HDAC4: variants seen among roughly 807,000 people sequenced by gnomAD.
HDAC4 encodes the protein histone deacetylase A.
In HDAC4, 16 loss-of-function variants were observed where a neutral mutation model predicts 135.1. The ratio of observed to expected loss-of-function variants is 0.12; its 90% CI spans 0.08 to 0.18. The LOEUF is 0.18. Ranked by LOEUF, HDAC4 falls within the 10% of genes least tolerant of loss-of-function variation. The probability of loss-of-function intolerance (pLI) is 1.00; values close to 1 mark genes in which losing one functional copy is unlikely to be tolerated. For synonymous variants in HDAC4, 685 were observed against 653.4 expected, an observed-to-expected ratio of 1.05 and a Z score of -0.74; for missense variants, 1,143 against 1,511.8, an observed-to-expected ratio of 0.76 and a Z score of 4.05.
At chr2:239,083,508 C>T (rs1024342610) in intron 20 of HDAC4, among the ~76,000 whole-genome samples, 1 of 152,142 alleles carries the variant, frequency 6.6e-6, no homozygotes, top group Non-Finnish European at 1.5e-5. Context: ...TGCTTTTTTC[C>T]CTTAAAAATT....
chr2:239,189,769 G>A (rs2044790245), intron 4 of HDAC4, 64 bp downstream of exon 4: 1 of 1,497,058 alleles, frequency 6.7e-7, no homozygotes, highest in Non-Finnish European at 9.1e-7. Context: ...AGGCAGGGCT[G>A]GAGTCACCGG....
At chr2:239,310,250 T>A (rs896785477) in intron 2 of HDAC4, among the ~76,000 whole-genome samples, 3 of 152,220 alleles carry the variant, frequency 2.0e-5, no homozygotes, top group African/African-American at 7.2e-5. Context: ...AAAACCGACA[T>A]GTCAGTGACT....
rs1426169224 is a variant in HDAC4, at chr2:239,050,742, A to G, written c.*2355T>C. 1.3e-5 allele frequency: 2 copies of G among 152,568 alleles called. No individual in the cohort carries two copies. The highest frequency in any genetic ancestry group is 2.1e-4 in the South Asian group (1 of 4,820). 9.5% of individuals were successfully genotyped at this position (152,568 alleles called of 1,614,324 possible). A position where few individuals can be genotyped will look rare whatever the true frequency, so the allele number is the denominator to read the frequency against. ...TCTGAACTTCTGCCCCCAAGTCTGAACCCAATATACACTTTGGAATGAAAC... is the reference window on the plus strand; with the variant it reads ...TCTGAACTTCTGCCCCCAAGTCTGAGCCCAATATACACTTTGGAATGAAAC... On this transcript the variant is annotated 3_prime_UTR_variant, in exon 27 of 27. Coordinates refer to ENST00000543185, the MANE Select transcript of HDAC4 (RefSeq NM_001378414.1).
chr2:239,242,208 A>G (rs1347055539), intron 2 of HDAC4, among the ~76,000 whole-genome samples: 6 of 123,006 alleles, frequency 4.9e-5, no homozygotes, highest in Non-Finnish European at 9.7e-5. Flanking sequence ...AGAAAGAGAG[A>G]GGACGAGAGA....
At chr2:239,164,886 A>G (rs1181211082) in intron 5 of HDAC4, among the ~76,000 whole-genome samples, 2 of 152,162 alleles carry the variant, frequency 1.3e-5, no homozygotes, top group African/African-American at 4.8e-5. Flanking sequence ...CAAACTTACT[A>G]TTCTAACCCT....
chr2:239,160,464 G>A (rs946915867), intron 6 of HDAC4, among the ~76,000 whole-genome samples: 2 of 152,338 alleles, frequency 1.3e-5, no homozygotes, highest in South Asian at 2.1e-4. Context: ...CAGAGTCCAC[G>A]CCCTGATGAA....
At position 239,303,073 on chromosome 2, in the gene HDAC4, C is replaced by T. The variant is rs6760848; in HGVS notation, c.22+49605G>A. On this transcript the variant is annotated intron_variant, in intron 2 of 26. Transcript: ENST00000543185. This position sits in a 1 kb window ranked among gnomAD's most constrained non-coding sequence, Gnocchi z 5.1. ...CCCGGGTGGGAGAGGTCATCACCTC[C>T]GCGTACTGAACAGAAGCCCAGCTCA... Among the ~76,000 whole-genome samples, 25,702 of 152,092 alleles carry T rather than the reference C, an allele frequency of 0.17. 3,152 individuals are homozygous for T. Among genetic ancestry groups the T allele is most frequent in the East Asian group, 0.51 (2,612 of 5,116 alleles).
intron 12 of HDAC4, among the ~76,000 whole-genome samples, chr2:239,116,851 G>C (rs1311433474): frequency 6.6e-6 from 1 of 152,210 alleles, no homozygotes; most frequent in African/African-American, 2.4e-5. Flanking sequence ...CACTCCAAGA[G>C]GCTTTGTGAG....
At chr2:239,290,713 C>A (rs1387620894) in intron 2 of HDAC4, among the ~76,000 whole-genome samples, 1 of 151,962 alleles carries the variant, frequency 6.6e-6, no homozygotes, top group Non-Finnish European at 1.5e-5. Context: ...CGCACACACT[C>A]ACATACGCAC....
chr2:239,241,273 G>A (rs2048162114), intron 2 of HDAC4, among the ~76,000 whole-genome samples: 1 of 152,244 alleles, frequency 6.6e-6, no homozygotes. Flanking sequence ...GGGGAAGGGA[G>A]TGGGGAGAAA....
At chr2:239,077,505 C>T (rs1023706581) in intron 22 of HDAC4, among the ~76,000 whole-genome samples, 9 of 152,256 alleles carry the variant, frequency 5.9e-5, no homozygotes, top group South Asian at 2.1e-4. Flanking sequence ...CACAGGCGAG[C>T]GAAGGCTGGC....
chr2:239,124,434 A>G (rs985957018), intron 12 of HDAC4, among the ~76,000 whole-genome samples: 16 of 152,214 alleles, frequency 1.1e-4, no homozygotes, highest in Non-Finnish European at 1.2e-4. Flanking sequence ...TCCTGCTTCC[A>G]AGGCTTCCCG....
intron 3 of HDAC4, among the ~76,000 whole-genome samples, chr2:239,204,528 T>C (rs3791591): frequency 0.018 from 2,784 of 152,306 alleles, 86 homozygotes; most frequent in East Asian, 0.14. Context: ...TCACGTCCAG[T>C]GAAACCGGCC....
chr2:239,101,605 G>A (rs949082276), intron 16 of HDAC4, among the ~76,000 whole-genome samples: 7 of 152,142 alleles, frequency 4.6e-5, no homozygotes, highest in Non-Finnish European at 8.8e-5. Flanking sequence ...GAGCCAATAT[G>A]CTCTTCCCAG....
chr2:239,079,097 T>C (rs10193548), intron 22 of HDAC4, among the ~76,000 whole-genome samples: 75,152 of 151,920 alleles, frequency 0.49, 19,132 homozygotes, highest in African/African-American at 0.58. Context: ...TTCTCTGGGG[T>C]GACAACTAAG....
In HDAC4 at chr2:239,052,442, C is replaced by T. The variant is rs571553943; in HGVS notation, c.*655G>A. On this transcript the variant is annotated 3_prime_UTR_variant, in exon 27 of 27. Transcript: ENST00000543185. ...AAAAAAGGCACAAACTCGCATCTTC[C>T]GATGGCTTTTGAGAAACTCAAGCCA... 2.6e-5 allele frequency: 4 copies of T among 152,642 alleles called. No individual in the cohort carries two copies. Among genetic ancestry groups the T allele is most frequent in the East Asian group, 1.9e-4 (1 of 5,184 alleles). The allele number at this position is 152,642 out of a possible 1,614,324, so 9.5% of individuals were successfully genotyped here. A position where few individuals can be genotyped will look rare whatever the true frequency, so the allele number is the denominator to read the frequency against.
At chr2:239,376,957 G>C (rs1047534394) in intron 1 of HDAC4, among the ~76,000 whole-genome samples, 9 of 152,048 alleles carry the variant, frequency 5.9e-5, no homozygotes, top group African/African-American at 2.2e-4. Flanking sequence ...ATTGGAAGGG[G>C]AGCTATTCCA....
intron 22 of HDAC4, among the ~76,000 whole-genome samples, chr2:239,069,771 G>A (rs562895373): frequency 2.7e-5 from 4 of 148,380 alleles, no homozygotes; most frequent in African/African-American, 5.0e-5. Context: ...AAGCCAGCAA[G>A]CCCCACTGCA....
chr2:239,095,067 G>T lies in HDAC4; in HGVS notation c.2234-11C>A, dbSNP rs767970655. ...CGGAGGCGAGCGAGCCTGTGGGGGGGAGGGAGACGGTCAGAGAGGCCAAGG... is the reference window on the plus strand; with the variant it reads ...CGGAGGCGAGCGAGCCTGTGGGGGGTAGGGAGACGGTCAGAGAGGCCAAGG... On this transcript the variant is annotated splice_polypyrimidine_tract_variant and intron_variant, in intron 16 of 26. Transcript: ENST00000543185. 17 of 1,613,696 alleles carry T rather than the reference G, an allele frequency of 1.1e-5. No homozygotes were observed. Among genetic ancestry groups the T allele is most frequent in the Admixed American group, 6.7e-5 (4 of 60,010 alleles).
Sources: allele counts gnomAD v4.1 joint callset (sites outside exome capture counted in the v4.1 genomes callset), GRCh38; gene constraint gnomAD v4.1.1; non-coding constraint Gnocchi (gnomAD v3.1); transcripts MANE v1.5; gene names NCBI Gene and HGNC (gene_info 2026-07-23, HGNC 2026-07-21).